AGBL1: variants seen among roughly 807,000 people sequenced by gnomAD.
AGBL1 encodes the protein AGBL carboxypeptidase 1, also known as cytosolic carboxypeptidase 4.
AGBL1 carries 130 observed loss-of-function variants against 118.9 expected under a neutral mutation model. That is an observed-to-expected ratio of 1.09 (90% confidence interval 0.95 to 1.26). The LOEUF (loss-of-function observed/expected upper bound fraction) is 1.26. AGBL1 is among the 50% of genes most tolerant of loss of function. The pLI, the probability that AGBL1 is intolerant of heterozygous loss-of-function variation, is 0.00. For synonymous variants in AGBL1, 555 were observed against 478.9 expected, an observed-to-expected ratio of 1.16 and a Z score of -2.08; for missense variants, 1,584 against 1,298.1, an observed-to-expected ratio of 1.22 and a Z score of -3.38.
chr15:86,238,458 G>A (rs1343664771), intron 6 of AGBL1, among the ~76,000 whole-genome samples: 2 of 152,184 alleles, frequency 1.3e-5, no homozygotes, highest in Non-Finnish European at 2.9e-5. Context: ...TCCGGACAAA[G>A]GCCTGTATGT....
At chr15:86,762,975 A>C (rs369058649) in intron 22 of AGBL1, among the ~76,000 whole-genome samples, 2 of 151,994 alleles carry the variant, frequency 1.3e-5, no homozygotes, top group Non-Finnish European at 2.9e-5. Context: ...CACTGTGCTA[A>C]AATAGAGTCC....
intron 18 of AGBL1, among the ~76,000 whole-genome samples, chr15:86,501,313 A>G (rs1446706967): frequency 1.3e-5 from 2 of 151,610 alleles, no homozygotes; most frequent in Non-Finnish European, 3.0e-5. Flanking sequence ...ATCTGGAGAA[A>G]TGTCTATTCA....
intron 23 of AGBL1, among the ~76,000 whole-genome samples, chr15:86,971,229 T>A (rs1054459026): frequency 6.6e-5 from 10 of 152,040 alleles, no homozygotes; most frequent in Admixed American, 6.6e-4. Flanking sequence ...CTGTCATACT[T>A]GGATGTAGAT....
chr15:86,368,939 C>T (rs763442621), intron 17 of AGBL1, among the ~76,000 whole-genome samples: 14 of 152,118 alleles, frequency 9.2e-5, no homozygotes, highest in Non-Finnish European at 1.5e-4. Context: ...TGAGAATCTG[C>T]GCCTGGGAGA....
chr15:86,647,573 T>C (rs184905359), intron 21 of AGBL1, among the ~76,000 whole-genome samples: 1 of 152,188 alleles, frequency 6.6e-6, no homozygotes, highest in East Asian at 1.9e-4. Flanking sequence ...TGGTGGTGCA[T>C]ACCTGTAACC....
intron 22 of AGBL1, among the ~76,000 whole-genome samples, chr15:86,892,827 GT>G (rs987747131): frequency 5.3e-5 from 8 of 152,200 alleles, no homozygotes; most frequent in African/African-American, 1.7e-4. Context: ...TTGTGATGGT[GT>G]GAAGTACCTG....
intron 18 of AGBL1, among the ~76,000 whole-genome samples, chr15:86,468,800 G>A (rs906258695): frequency 6.6e-6 from 1 of 152,152 alleles, no homozygotes; most frequent in Non-Finnish European, 1.5e-5. Context: ...GGATAGACAT[G>A]AGAGGGGATG....
rs550920466 is a variant in AGBL1 at position 86,476,498 on chromosome 15, T to C, written c.2556-46312T>C. ...AGAGACAAAGAAGGCCATTACATAA[T>C]GGTAAAGGGATCAATTCAACAAGAA... On this transcript the variant is annotated intron_variant, in intron 18 of 22. Coordinates refer to ENST00000614907, the MANE Select transcript of AGBL1 (RefSeq NM_001386094.1). 1.1e-3 allele frequency among the ~76,000 whole-genome samples: 169 copies of C among 152,202 alleles called. 1 individual carries two copies. Among genetic ancestry groups the C allele is most frequent in the Middle Eastern group, 0.01 (3 of 294 alleles).
At chr15:86,993,967 C>T (rs2081355446) in intron 24 of AGBL1, among the ~76,000 whole-genome samples, 1 of 152,032 alleles carries the variant, frequency 6.6e-6, no homozygotes, top group Non-Finnish European at 1.5e-5. Flanking sequence ...AGATCCTTTC[C>T]CATCCATCCT....
intron 5 of AGBL1, among the ~76,000 whole-genome samples, chr15:86,184,818 G>A (rs1361471739): frequency 6.6e-6 from 1 of 152,058 alleles, no homozygotes; most frequent in African/African-American, 2.4e-5. Flanking sequence ...AAAAGAGCCC[G>A]CATTGCCAAG....
intron 21 of AGBL1, among the ~76,000 whole-genome samples, chr15:86,662,442 G>T (rs1172580912): frequency 6.6e-6 from 1 of 152,186 alleles, no homozygotes; most frequent in Non-Finnish European, 1.5e-5. Context: ...GTGGTCATTT[G>T]GACAGAAAGT....
chr15:86,362,611 C>G lies in AGBL1; in HGVS notation c.2375-34755C>G, dbSNP rs539747187. 7.2e-5 allele frequency among the ~76,000 whole-genome samples: 11 copies of G among 152,262 alleles called. No homozygotes were observed. The East Asian group carries it at 1.9e-3, about 27-fold the overall frequency. On this transcript the variant is annotated intron_variant, in intron 17 of 22. Transcript: ENST00000614907. ...GGCCCTGGACTGCAGCAGAGCAGGACTGAAACAGAATCTCAGGTCTGCTTA... is the reference window on the plus strand; with the variant it reads ...GGCCCTGGACTGCAGCAGAGCAGGAGTGAAACAGAATCTCAGGTCTGCTTA...
intron 23 of AGBL1, among the ~76,000 whole-genome samples, chr15:86,934,725 C>T (rs2080646073): frequency 6.6e-6 from 1 of 152,144 alleles, no homozygotes; most frequent in Admixed American, 6.5e-5. Context: ...AAAGTAAGCA[C>T]ACAATAAATG....
At chr15:86,096,870 C>A (rs943221791) in intron 1 of AGBL1, among the ~76,000 whole-genome samples, 5 of 152,090 alleles carry the variant, frequency 3.3e-5, no homozygotes, top group African/African-American at 1.2e-4. Flanking sequence ...CTCTAAGATC[C>A]CCTCTTTGTG....
chr15:86,687,845 T>C lies in AGBL1; in HGVS notation c.3158+13409T>C, dbSNP rs547188264. On this transcript the variant is annotated intron_variant, in intron 22 of 22. Transcript: ENST00000614907. ...GTGTCCTCAGATATACACTGAAATA[T>C]TGAGAGTGTGAGAGACCCATACACA... Among the ~76,000 whole-genome samples, 4 of 152,250 alleles carry C rather than the reference T, an allele frequency of 2.6e-5. No individual in the cohort carries two copies. The East Asian group carries it at 7.7e-4, about 29-fold the overall frequency.
rs77315486 is a variant in AGBL1 at position 86,634,402 on chromosome 15, C to T, written c.2995-39871C>T. 2.0e-5 allele frequency among the ~76,000 whole-genome samples: 3 copies of T among 152,136 alleles called. No homozygotes were observed. The East Asian group carries it at 5.8e-4, about 29-fold the overall frequency. On this transcript the variant is annotated intron_variant, in intron 21 of 22. Coordinates refer to ENST00000614907, the MANE Select transcript of AGBL1 (RefSeq NM_001386094.1). Reference sequence around the variant, plus strand: ...AAAGGAATGAAGTACTGGTACATGCCACGACATGGATGAAGCTTAAAAACA... The same window carrying T: ...AAAGGAATGAAGTACTGGTACATGCTACGACATGGATGAAGCTTAAAAACA...
intron 20 of AGBL1, 76 bp from the exon 21 acceptor site, chr15:86,554,285 T>A: frequency 1.6e-6 from 2 of 1,267,912 alleles, no homozygotes; most frequent in African/African-American, 1.5e-5. Flanking sequence ...CTTAACAATG[T>A]TGAGAAGCTA....
Position 86,269,939 on chromosome 15 carries a change from T to C in AGBL1, c.1859T>C (p.Val620Ala), listed in dbSNP as rs2079132060. The C allele has an allele frequency of 6.2e-7, 1 of 1,613,650 alleles. No individual in the cohort carries two copies. Among genetic ancestry groups the C allele is most frequent in the South Asian group, 1.1e-5 (1 of 91,046 alleles). The change falls in exon 14 of 23, where the codon GTC becomes GCC. Residue 620 changes from valine to alanine, a missense_variant. Coordinates refer to ENST00000614907, the MANE Select transcript of AGBL1 (RefSeq NM_001386094.1). The part of the protein sequence containing the change: ...QVREFEYDLL[V>A]NADVNSTQHQ... Reference sequence around the variant, plus strand: ...TGCAGGTTCGAGTATGACTTGCTGGTCAACGCAGATGTGAATAGCACCCAG... The same window carrying C: ...TGCAGGTTCGAGTATGACTTGCTGGCCAACGCAGATGTGAATAGCACCCAG...
At chr15:86,145,913 G>C (rs887902340) in intron 3 of AGBL1, among the ~76,000 whole-genome samples, 1 of 152,168 alleles carries the variant, frequency 6.6e-6, no homozygotes, top group Non-Finnish European at 1.5e-5. Context: ...CTTTAGACTG[G>C]CATGGTCAGG....
Sources: allele counts gnomAD v4.1 joint callset (sites outside exome capture counted in the v4.1 genomes callset), GRCh38; gene constraint gnomAD v4.1.1; transcripts MANE v1.5; gene names NCBI Gene and HGNC (gene_info 2026-07-23, HGNC 2026-07-21).